LHFPL6: variants seen among roughly 807,000 people sequenced by gnomAD.
LHFPL6 encodes the protein LHFPL tetraspan subfamily member 6, also known as LHFPL tetraspan subfamily member 6 protein.
A neutral mutation model predicts 20.6 loss-of-function variants in LHFPL6; 9 were observed. That is an observed-to-expected ratio of 0.44 (90% CI 0.26 to 0.76). The LOEUF is 0.76. Ranked by LOEUF, LHFPL6 falls within the 30% of genes least tolerant of loss-of-function variation. The pLI, the probability that LHFPL6 is intolerant of heterozygous loss-of-function variation, is 0.20. For synonymous variants in LHFPL6, 105 were observed against 98.7 expected, an observed-to-expected ratio of 1.06 and a Z score of -0.38; for missense variants, 218 against 253.5, an observed-to-expected ratio of 0.86 and a Z score of 0.95.
At chr13:39,450,508 G>A (rs1042042581) in intron 2 of LHFPL6, among the ~76,000 whole-genome samples, 4 of 152,174 alleles carry the variant, frequency 2.6e-5, no homozygotes, top group African/African-American at 9.7e-5. Flanking sequence ...ATGTGGGTGT[G>A]TGGGTGTGAG....
At chr13:39,345,027 T>C (rs1013557269) in intron 3 of LHFPL6, among the ~76,000 whole-genome samples, 2 of 152,246 alleles carry the variant, frequency 1.3e-5, no homozygotes, top group Admixed American at 1.3e-4. Context: ...AAGGCCTCTA[T>C]ATCTTATACT....
intron 3 of LHFPL6, among the ~76,000 whole-genome samples, chr13:39,356,848 G>A (rs1869739718): frequency 6.6e-6 from 1 of 152,190 alleles, no homozygotes; most frequent in Non-Finnish European, 1.5e-5. Context: ...CCAATAATGA[G>A]TTCTGAAATT....
intron 2 of LHFPL6, among the ~76,000 whole-genome samples, chr13:39,527,068 G>A (rs1303137412): frequency 1.3e-5 from 2 of 152,158 alleles, no homozygotes; most frequent in East Asian, 1.9e-4. Context: ...TTATGACTCC[G>A]TCTCTGTAAG....
chr13:39,439,851 G>A (rs1288116920), intron 2 of LHFPL6, among the ~76,000 whole-genome samples: 2 of 152,274 alleles, frequency 1.3e-5, no homozygotes, highest in East Asian at 1.9e-4. Context: ...CTCTGCAGAA[G>A]CAGAAGCTGC....
chr13:39,403,446 T>C (rs1261535724), intron 2 of LHFPL6, among the ~76,000 whole-genome samples: 1 of 152,214 alleles, frequency 6.6e-6, no homozygotes, highest in East Asian at 1.9e-4. Flanking sequence ...CTACTTTAAA[T>C]TACTGCAGTA....
At position 39,456,805 on chromosome 13, in the gene LHFPL6, T is replaced by C. The variant is rs192640072; in HGVS notation, c.386-78279A>G. The stretch of plus-strand genomic sequence containing the variant: ...ATTGAATTAGACAAAGATTTCTTTT[T>C]TTTTTTTTTGAGACAGAGTCTTGCT... On this transcript the variant is annotated intron_variant, in intron 2 of 3. Transcript: ENST00000379589. Among the ~76,000 whole-genome samples, 338 of 152,268 alleles carry C rather than the reference T, an allele frequency of 2.2e-3. 4 individuals are homozygous for C. Among genetic ancestry groups the C allele is most frequent in the Non-Finnish European group, 8.2e-4 (56 of 68,002 alleles).
At chr13:39,562,715 C>T (rs35396912) in intron 2 of LHFPL6, among the ~76,000 whole-genome samples, 49,497 of 149,286 alleles carry the variant, frequency 0.33, 9,653 homozygotes, top group Non-Finnish European at 0.43. Flanking sequence ...TATACACACA[C>T]ACACTACGTG....
chr13:39,465,148 T>C (rs916700161), intron 2 of LHFPL6, among the ~76,000 whole-genome samples: 13 of 152,232 alleles, frequency 8.5e-5, no homozygotes, highest in South Asian at 8.3e-4. Context: ...TTTATTCTCA[T>C]GGGATTTCAG....
chr13:39,535,010 A>T (rs569289247), intron 2 of LHFPL6, among the ~76,000 whole-genome samples: 1 of 152,164 alleles, frequency 6.6e-6, no homozygotes, highest in African/African-American at 2.4e-5. Flanking sequence ...CCTCTAGAGG[A>T]TGATCTTTCC....
At chr13:39,487,380 TC>T (rs1290952118) in intron 2 of LHFPL6, among the ~76,000 whole-genome samples, 1 of 152,206 alleles carries the variant, frequency 6.6e-6, no homozygotes, top group Non-Finnish European at 1.5e-5. Flanking sequence ...CCTACAGCTC[TC>T]CTGTCCTGCT....
chr13:39,502,731 T>C (rs1365554309), intron 2 of LHFPL6, among the ~76,000 whole-genome samples: 1 of 152,194 alleles, frequency 6.6e-6, no homozygotes, highest in Non-Finnish European at 1.5e-5. Context: ...GGTAAACCAG[T>C]ATCAAAAGTT....
chr13:39,377,536 T>C (rs1453278021), intron 3 of LHFPL6, among the ~76,000 whole-genome samples: 1 of 152,172 alleles, frequency 6.6e-6, no homozygotes, highest in Non-Finnish European at 1.5e-5. Context: ...AAACAACAGA[T>C]ACTGGAATAG....
chr13:39,502,454 A>G (rs1464373876), intron 2 of LHFPL6, among the ~76,000 whole-genome samples: 1 of 53,024 alleles, frequency 1.9e-5, no homozygotes, highest in Admixed American at 3.0e-4. Context: ...CTCCGTCTCT[A>G]CAAAAAATTA....
chr13:39,425,037 G>T (rs1871602176), intron 2 of LHFPL6, among the ~76,000 whole-genome samples: 1 of 152,000 alleles, frequency 6.6e-6, no homozygotes, highest in Admixed American at 6.6e-5. Flanking sequence ...CTCCCCAAAG[G>T]TTCCCATTTG....
intron 3 of LHFPL6, among the ~76,000 whole-genome samples, chr13:39,351,504 C>G (rs1211693239): frequency 6.6e-6 from 1 of 151,364 alleles, no homozygotes; most frequent in Non-Finnish European, 1.5e-5. Flanking sequence ...TTAAATAGTA[C>G]TTGTCTTGGC....
chr13:39,466,263 C>T (rs187837031), intron 2 of LHFPL6, among the ~76,000 whole-genome samples: 75 of 152,298 alleles, frequency 4.9e-4, no homozygotes, highest in South Asian at 2.9e-3. Flanking sequence ...ATTCTAGATA[C>T]TCCCAGGTAG....
In LHFPL6 at chr13:39,601,042, G is replaced by T; in HGVS notation, c.175C>A (p.Arg59=). 6.2e-7 allele frequency: 1 copy of T among 1,614,154 alleles called. No homozygotes were observed. Among genetic ancestry groups the T allele is most frequent in the South Asian group, 1.1e-5 (1 of 91,086 alleles). Residue 59 remains arginine (R), a synonymous_variant, in exon 2 of 4, where the codon CGG becomes AGG. Transcript: ENST00000379589. The stretch of plus-strand genomic sequence containing the variant: ...TCCTCCACCATCACCATCATCTGCC[G>T]ACTCTCATCATGCACAGGATATGAG... ...RCSYPVHDES[R]QMMVMVEECG... is the part of the protein sequence containing the mutation.
At chr13:39,450,839 A>G (rs1291079989) in intron 2 of LHFPL6, among the ~76,000 whole-genome samples, 1 of 152,210 alleles carries the variant, frequency 6.6e-6, no homozygotes, top group Non-Finnish European at 1.5e-5. Context: ...GCTGAATTAT[A>G]AAATTAAATT....
chr13:39,397,880 A>C (rs1870883155), intron 2 of LHFPL6, among the ~76,000 whole-genome samples: 1 of 152,008 alleles, frequency 6.6e-6, no homozygotes, highest in Non-Finnish European at 1.5e-5. Flanking sequence ...CTAATGAATT[A>C]TTTTGAGATC....
Sources: allele counts gnomAD v4.1 joint callset (sites outside exome capture counted in the v4.1 genomes callset), GRCh38; gene constraint gnomAD v4.1.1; transcripts MANE v1.5; gene names NCBI Gene and HGNC (gene_info 2026-07-23, HGNC 2026-07-21).